Variants in UBXN4 observed in about 807,000 individuals in gnomAD.
UBXN4 encodes the protein UBX domain-containing protein 4.
Under a neutral mutation model 66.2 loss-of-function variants are expected in UBXN4, and 35 were observed. That is an observed-to-expected ratio of 0.53 (90% CI 0.40 to 0.70). UBXN4 has a LOEUF of 0.70. Ranked by LOEUF, UBXN4 falls within the 30% of genes least tolerant of loss-of-function variation. The probability of loss-of-function intolerance (pLI) is 0.00; values close to 1 mark genes in which losing one functional copy is unlikely to be tolerated. For synonymous variants in UBXN4, 203 were observed against 204.5 expected (o/e 0.99, Z 0.06); for missense variants, 533 against 599.8 (o/e 0.89, Z 1.16).
In UBXN4 at chr2:135,741,860, C is replaced by T; in HGVS notation, c.-70C>T. Reference sequence around the variant, plus strand: ...CGGGGGCCGCAGAGCCGGACGAAGACGGAGGGCGGAGCCGGCTTCGGGACT... The same window carrying T: ...CGGGGGCCGCAGAGCCGGACGAAGATGGAGGGCGGAGCCGGCTTCGGGACT... On this transcript the variant is annotated 5_prime_UTR_variant, in exon 1 of 13. The change creates a new upstream start codon in the 5' untranslated region. Transcript: ENST00000272638. 2 of 1,524,772 alleles carry T rather than the reference C, an allele frequency of 1.3e-6. No individual in the cohort carries two copies. The highest frequency in any genetic ancestry group is 1.8e-6 in the Non-Finnish European group (2 of 1,126,848). The allele number at this position is 1,524,772 out of a possible 1,614,324, so 94.5% of individuals were successfully genotyped here. A position where few individuals can be genotyped will look rare whatever the true frequency, so the allele number is the denominator to read the frequency against.
intron 5 of UBXN4, among the ~76,000 whole-genome samples, chr2:135,757,110 G>A (rs1299985257): frequency 3.9e-5 from 6 of 152,108 alleles, no homozygotes; most frequent in African/African-American, 1.2e-4. Context: ...CCAAGTTTGG[G>A]AATTTTGGTC....
chr2:135,772,461 A>G lies in UBXN4; in HGVS notation c.864A>G (p.Glu288=). The change falls in exon 9 of 13, where the codon GAA becomes GAG. Residue 288 remains glutamate, a synonymous_variant. Transcript: ENST00000272638. ...ERAARFAKTK[E]EVEAAKAAAL... ...CTGCTCGTTTTGCAAAGACAAAGGA[A>G]GAAGTAGAGGCTGCCAAAGCTGCTG... is the stretch of plus-strand genomic sequence containing the variant. 1 of 1,614,154 alleles carries G rather than the reference A, an allele frequency of 6.2e-7. No homozygotes were observed. The highest frequency in any genetic ancestry group is 8.5e-7 in the Non-Finnish European group (1 of 1,179,984).
intron 4 of UBXN4, among the ~76,000 whole-genome samples, chr2:135,754,903 G>A (rs1342160860): frequency 1.3e-5 from 2 of 152,114 alleles, no homozygotes; most frequent in Non-Finnish European, 2.9e-5. Flanking sequence ...TTCTGCCTCA[G>A]CCTCCCCAGT....
intron 6 of UBXN4, among the ~76,000 whole-genome samples, chr2:135,764,974 T>G (rs2077338238): frequency 6.6e-6 from 1 of 151,844 alleles, no homozygotes; most frequent in Admixed American, 6.6e-5. Flanking sequence ...CCACCATGAC[T>G]GGCTAATTTT....
intron 1 of UBXN4, among the ~76,000 whole-genome samples, chr2:135,744,182 C>G (rs2077193593): frequency 6.6e-6 from 1 of 152,160 alleles, no homozygotes. Context: ...GGTCTAAGAT[C>G]TCAGTAATAA....
chr2:135,772,610 T>C, intron 9 of UBXN4, 63 bp downstream of exon 9: 1 of 1,597,788 alleles, frequency 6.3e-7, no homozygotes, highest in South Asian at 1.1e-5. Context: ...GATTATAAGC[T>C]GGTTTTTAAC....
intron 1 of UBXN4, 165 bp from the exon 2 acceptor site, chr2:135,748,102 G>A: frequency 2.0e-6 from 1 of 489,778 alleles, no homozygotes; most frequent in Non-Finnish European, 3.6e-6. Flanking sequence ...TGTGAACTGT[G>A]TATGCAGTCA....
intron 9 of UBXN4, among the ~76,000 whole-genome samples, chr2:135,774,202 C>G (rs964859927): frequency 6.6e-6 from 1 of 152,136 alleles, no homozygotes; most frequent in Admixed American, 6.6e-5. Flanking sequence ...GAAATAAACC[C>G]TTACATTTAT....
At chr2:135,753,651 A>G (rs952313539) in intron 3 of UBXN4, 84 bp downstream of exon 3, 11 of 1,174,230 alleles carry the variant, frequency 9.4e-6, no homozygotes, top group Non-Finnish European at 1.3e-5. Context: ...GAAATTATTC[A>G]TTTTTATTTA....
At chr2:135,760,161 A>G (rs62170079) in intron 5 of UBXN4, among the ~76,000 whole-genome samples, 2 of 152,160 alleles carry the variant, frequency 1.3e-5, no homozygotes, top group Non-Finnish European at 2.9e-5. Context: ...CACATGGGCC[A>G]GGTACAATGG....
At chr2:135,763,465 T>C (rs764457885) in intron 6 of UBXN4, among the ~76,000 whole-genome samples, 5 of 152,374 alleles carry the variant, frequency 3.3e-5, no homozygotes, top group Non-Finnish European at 7.3e-5. Context: ...GCAAAATTCA[T>C]GCATTTTTCT....
At chr2:135,766,941 T>G (rs1188746568) in intron 6 of UBXN4, among the ~76,000 whole-genome samples, 1 of 152,222 alleles carries the variant, frequency 6.6e-6, no homozygotes, top group Non-Finnish European at 1.5e-5. Context: ...TCTACATTTA[T>G]CAGCTAGCAT....
chr2:135,779,148 T>C, intron 11 of UBXN4, 69 bp downstream of exon 11: 1 of 1,455,914 alleles, frequency 6.9e-7, no homozygotes, highest in South Asian at 1.6e-5. Context: ...TCATTTCTTA[T>C]AATTAGGGGA....
At position 135,741,901 on chromosome 2, in the gene UBXN4, C is replaced by G. The variant is rs773232226; in HGVS notation, c.-29C>G. On this transcript the variant is annotated 5_prime_UTR_variant, in exon 1 of 13. Coordinates refer to ENST00000272638, the MANE Select transcript of UBXN4 (RefSeq NM_014607.4). ...CTTCGGGACTGCGGAGACTACACAC[C>G]GAGCGAGCGCCTGGGCCCGAAGGGA... is the stretch of plus-strand genomic sequence containing the variant. 7.5e-6 allele frequency: 12 copies of G among 1,601,374 alleles called. No homozygotes were observed. The highest frequency in any genetic ancestry group is 2.7e-5 in the African/African-American group (2 of 74,410).
chr2:135,753,920 A>C, intron 3 of UBXN4: 2 of 465,290 alleles, frequency 4.3e-6, no homozygotes, highest in South Asian at 3.6e-5. Context: ...ATGGATAGAA[A>C]AGGAAGTTAT....
At chr2:135,761,606 G>A (rs1417243434) in intron 5 of UBXN4, among the ~76,000 whole-genome samples, 1 of 152,038 alleles carries the variant, frequency 6.6e-6, no homozygotes, top group Non-Finnish European at 1.5e-5. Flanking sequence ...ATTTTAACTC[G>A]GTAACTGCTT....
At chr2:135,751,995 C>T (rs1306038387) in intron 2 of UBXN4, among the ~76,000 whole-genome samples, 1 of 152,082 alleles carries the variant, frequency 6.6e-6, no homozygotes, top group East Asian at 1.9e-4. Context: ...TGTTTTCCTT[C>T]CATGTTTTAC....
At chr2:135,780,519 T>G in intron 12 of UBXN4, 134 bp downstream of exon 12, 1 of 803,084 alleles carries the variant, frequency 1.2e-6, no homozygotes, top group Non-Finnish European at 2.0e-6. Flanking sequence ...AAAACTCCGA[T>G]GCTCTGAAAC....
In UBXN4 at chr2:135,776,291, C is replaced by T; in HGVS notation, c.993C>T (p.Ser331=). Residue 331 remains serine, a synonymous_variant, in exon 10 of 13, where the codon TCC becomes TCT. Coordinates refer to ENST00000272638, the MANE Select transcript of UBXN4 (RefSeq NM_014607.4). ...RIQFRLPDGS[S]FTNQFPSDAP... ...AATTCCGTCTTCCTGATGGTTCTTC[C>T]TTTACAAATCAGTTCCCTTCTGATG... is the stretch of plus-strand genomic sequence containing the variant. 6.2e-7 allele frequency: 1 copy of T among 1,614,032 alleles called. No homozygotes were observed. Among genetic ancestry groups the T allele is most frequent in the South Asian group, 1.1e-5 (1 of 91,080 alleles).
Sources: gnomAD v4.1 joint callset for allele counts (sites outside exome capture counted in the v4.1 genomes callset) on GRCh38, gnomAD v4.1.1 for gene constraint, MANE v1.5 for transcripts, NCBI Gene and HGNC (gene_info 2026-07-23, HGNC 2026-07-21) for gene names.